UBAC2: variants seen among roughly 807,000 people sequenced by gnomAD.
UBAC2 encodes the protein UBA domain containing 2, also known as ubiquitin-associated domain-containing protein 2.
In UBAC2, 26 loss-of-function variants were observed where a neutral mutation model predicts 44.0. The observed-to-expected ratio is 0.59, with a 90% CI of 0.43 to 0.82. The LOEUF (loss-of-function observed/expected upper bound fraction) is 0.82, where lower values mean the gene tolerates loss of function less well. Ranked by LOEUF, UBAC2 falls within the 40% of genes least tolerant of loss-of-function variation. The pLI, the probability that UBAC2 is intolerant of heterozygous loss-of-function variation, is 0.00. For synonymous variants in UBAC2, 155 were observed against 154.3 expected (o/e 1.00, Z -0.04); for missense variants, 329 against 419.4 (o/e 0.78, Z 1.88).
chr13:99,288,263 G>C (rs2044045862), intron 4 of UBAC2, among the ~76,000 whole-genome samples: 1 of 152,132 alleles, frequency 6.6e-6, no homozygotes, highest in South Asian at 2.1e-4. Context: ...AATCAGAAAA[G>C]CACTTGAGTT....
chr13:99,256,723 A>AAC (rs1555324207), intron 4 of UBAC2, among the ~76,000 whole-genome samples: 3 of 150,840 alleles, frequency 2.0e-5, no homozygotes, highest in Admixed American at 2.0e-4. Flanking sequence ...AAAAAAAAAA[A>AAC]CCGTCCATTT....
At chr13:99,352,789 G>A (rs1428027832) in intron 7 of UBAC2, among the ~76,000 whole-genome samples, 1 of 140,476 alleles carries the variant, frequency 7.1e-6, no homozygotes, top group Non-Finnish European at 1.7e-5. Context: ...GAAATGTGAT[G>A]GTCACTCTTC....
intron 7 of UBAC2, among the ~76,000 whole-genome samples, chr13:99,355,356 C>T (rs1272008231): frequency 1.3e-5 from 2 of 152,202 alleles, no homozygotes; most frequent in Non-Finnish European, 2.9e-5. Flanking sequence ...CTTATGTCTT[C>T]AAGGCCACTG....
chr13:99,295,383 G>A lies in UBAC2; in HGVS notation c.390-18714G>A. On this transcript the variant is annotated intron_variant, in intron 4 of 8. Transcript: ENST00000403766. The surrounding 1 kb of genome is among the most constrained non-coding windows in gnomAD (Gnocchi z 4.1). ...GCAACATGGTAAGGTGTGAAACAGA[G>A]AACAAACACAACAATAATAAGAATA... The A allele has an allele frequency of 6.2e-7, 1 of 1,614,014 alleles. No homozygotes were observed. Among genetic ancestry groups the A allele is most frequent in the South Asian group, 1.1e-5 (1 of 91,054 alleles).
At chr13:99,371,151 G>T (rs1004317679) in intron 8 of UBAC2, among the ~76,000 whole-genome samples, 4 of 151,866 alleles carry the variant, frequency 2.6e-5, no homozygotes, top group Non-Finnish European at 5.9e-5. Flanking sequence ...AAGTCTTCAG[G>T]GTTGTTTTTT....
intron 4 of UBAC2, among the ~76,000 whole-genome samples, chr13:99,306,617 A>G (rs925876607): frequency 6.6e-6 from 1 of 152,164 alleles, no homozygotes; most frequent in Admixed American, 6.5e-5. Flanking sequence ...TGTTACCACC[A>G]TTCCCAACCT....
intron 1 of UBAC2, chr13:99,201,430 C>T (rs1252040018): frequency 3.0e-5 from 49 of 1,613,316 alleles, no homozygotes; most frequent in Non-Finnish European, 4.2e-5. Flanking sequence ...CTTCTTCAGT[C>T]TCCAAGAAGA....
intron 8 of UBAC2, among the ~76,000 whole-genome samples, chr13:99,373,148 A>T (rs2045430747): frequency 6.9e-6 from 1 of 143,926 alleles, no homozygotes; most frequent in African/African-American, 2.5e-5. Context: ...TATATCCATT[A>T]TTCCATCTCT....
At chr13:99,294,687 T>G (rs2044141409) in intron 4 of UBAC2, 1 of 157,550 alleles carries the variant, frequency 6.3e-6, no homozygotes, top group African/African-American at 2.4e-5. Context: ...ATTTAAAAAG[T>G]ATGTTACAGT....
rs747716613 is a variant in UBAC2 at position 99,255,222 on chromosome 13, G to T, written c.389+10598G>T. On this transcript the variant is annotated intron_variant, in intron 4 of 8. Transcript: ENST00000403766. ...CTTTGGGTTTCAGCTTAGACGTCCT[G>T]CCGTGAAGGAGATTATGAATAATGA... 4 of 1,613,976 alleles carry T rather than the reference G, an allele frequency of 2.5e-6. No homozygotes were observed. The South Asian group carries it at 4.4e-5, about 18-fold the overall frequency.
intron 8 of UBAC2, among the ~76,000 whole-genome samples, chr13:99,378,563 T>G (rs977322913): frequency 2.6e-5 from 4 of 152,188 alleles, no homozygotes; most frequent in African/African-American, 9.7e-5. Flanking sequence ...CAATATCCAC[T>G]TCTTCTGGCT....
At chr13:99,302,596 G>C (rs1053883290) in intron 4 of UBAC2, among the ~76,000 whole-genome samples, 1 of 152,194 alleles carries the variant, frequency 6.6e-6, no homozygotes, top group African/African-American at 2.4e-5. Flanking sequence ...CATTCAACTA[G>C]TGATTTTTCT....
intron 1 of UBAC2, 55 bp downstream of exon 1, chr13:99,200,994 T>G (rs1431161478): frequency 7.7e-7 from 1 of 1,297,478 alleles, no homozygotes; most frequent in African/African-American, 1.5e-5. Flanking sequence ...CCTAGGCACC[T>G]CTTTGAGGAG....
intron 7 of UBAC2, among the ~76,000 whole-genome samples, chr13:99,359,889 G>A (rs1354344685): frequency 6.6e-6 from 1 of 152,194 alleles, no homozygotes; most frequent in Non-Finnish European, 1.5e-5. Flanking sequence ...GGGGGCCACC[G>A]ATTGTAGACT....
At chr13:99,215,382 T>G in intron 1 of UBAC2, 5 of 1,185,140 alleles carry the variant, frequency 4.2e-6, no homozygotes, top group Non-Finnish European at 5.1e-6. Context: ...TTAGACAGTC[T>G]TCTGTTGTCC....
At chr13:99,225,160 A>C (rs925380839) in intron 1 of UBAC2, among the ~76,000 whole-genome samples, 5 of 152,226 alleles carry the variant, frequency 3.3e-5, no homozygotes, top group Non-Finnish European at 7.3e-5. Flanking sequence ...TAAAATGTAC[A>C]TAATATAAAA....
intron 4 of UBAC2, among the ~76,000 whole-genome samples, chr13:99,266,169 A>C (rs528264409): frequency 3.3e-5 from 5 of 151,842 alleles, no homozygotes; most frequent in Non-Finnish European, 5.9e-5. Flanking sequence ...GAATATTATA[A>C]AATATTTTAA....
chr13:99,258,210 T>G (rs2043601472), intron 4 of UBAC2: 1 of 152,272 alleles, frequency 6.6e-6, no homozygotes, highest in Admixed American at 6.5e-5. Flanking sequence ...CTTCCACTTC[T>G]GTCGAAGGGA....
At chr13:99,354,017 G>A (rs1173611928) in intron 7 of UBAC2, among the ~76,000 whole-genome samples, 1 of 152,258 alleles carries the variant, frequency 6.6e-6, no homozygotes, top group Non-Finnish European at 1.5e-5. Context: ...AAATCATTCT[G>A]TCTAAGCAAT....
Sources: allele counts gnomAD v4.1 joint callset (sites outside exome capture counted in the v4.1 genomes callset), GRCh38; gene constraint gnomAD v4.1.1; non-coding constraint Gnocchi (gnomAD v3.1); transcripts MANE v1.5; gene names NCBI Gene and HGNC (gene_info 2026-07-23, HGNC 2026-07-21).